The following OPCML variants were observed in gnomAD, a reference collection of about 807,000 sequenced individuals.
OPCML encodes opioid binding protein/cell adhesion molecule like, also known as opioid-binding protein/cell adhesion molecule.
OPCML carries 13 observed loss-of-function variants against 37.8 expected under a neutral mutation model. That is an observed-to-expected ratio of 0.34 (90% CI 0.22 to 0.55). OPCML has a LOEUF of 0.55. OPCML is among the 20% of genes least tolerant of loss of function. The pLI, the probability that OPCML is intolerant of heterozygous loss-of-function variation, is 0.91. For synonymous variants in OPCML, 176 were observed against 168.8 expected (o/e 1.04, Z -0.33); for missense variants, 341 against 435.6 (o/e 0.78, Z 1.93).
At chr11:133,189,398 G>GAAC (rs1168267748) in intron 1 of OPCML, among the ~76,000 whole-genome samples, 2 of 152,144 alleles carry the variant, frequency 1.3e-5, no homozygotes, top group Non-Finnish European at 2.9e-5. Flanking sequence ...GGCAACTATG[G>GAAC]AACCTAACAT....
chr11:132,781,341 C>T (rs1367786890), intron 2 of OPCML, among the ~76,000 whole-genome samples: 2 of 151,994 alleles, frequency 1.3e-5, no homozygotes, highest in Non-Finnish European at 2.9e-5. Flanking sequence ...GAGAAGACTT[C>T]TCCTGCCTAA....
intron 1 of OPCML, among the ~76,000 whole-genome samples, chr11:132,963,724 T>G (rs1389103004): frequency 6.6e-6 from 1 of 151,924 alleles, no homozygotes; most frequent in Non-Finnish European, 1.5e-5. Context: ...TCAGCAAATA[T>G]TAGCTCTTCT....
chr11:132,572,565 T>C lies in OPCML; in HGVS notation c.380-43379A>G, dbSNP rs191806691. Among the ~76,000 whole-genome samples the C allele has an allele frequency of 5.9e-5, 9 of 152,268 alleles. No individual in the cohort carries two copies. In the East Asian group the frequency reaches 1.2e-3, roughly 20 times the overall value. On this transcript the variant is annotated intron_variant, in intron 3 of 7. Coordinates refer to ENST00000524381, the MANE Select transcript of OPCML (RefSeq NM_001012393.5). ...TTGTTGAAGATCAATTGACTATGTA[T>C]GTGAATTTATTTCTGGGTTCTTTAT...
intron 3 of OPCML, among the ~76,000 whole-genome samples, chr11:132,644,423 C>T (rs1941035847): frequency 1.3e-5 from 2 of 152,128 alleles, no homozygotes; most frequent in South Asian, 4.2e-4. Flanking sequence ...TTTAGGTTAC[C>T]CGGGGAGCTG....
chr11:132,740,789 G>A (rs1169826191), intron 2 of OPCML, among the ~76,000 whole-genome samples: 1 of 152,060 alleles, frequency 6.6e-6, no homozygotes, highest in Non-Finnish European at 1.5e-5. Context: ...ACATTTCCTG[G>A]GAAGTTGGCA....
intron 1 of OPCML, among the ~76,000 whole-genome samples, chr11:133,391,194 T>C (rs1180267908): frequency 6.6e-6 from 1 of 152,134 alleles, no homozygotes; most frequent in Admixed American, 6.5e-5. Flanking sequence ...CTGCTGAGCA[T>C]CCATGGACAG....
At chr11:132,450,179 C>A (rs2096065107) in intron 4 of OPCML, among the ~76,000 whole-genome samples, 1 of 152,182 alleles carries the variant, frequency 6.6e-6, no homozygotes, top group East Asian at 1.9e-4. Context: ...ACACTCCAGG[C>A]CTTGATCAAA....
At chr11:132,857,758 T>A (rs1022957435) in intron 2 of OPCML, among the ~76,000 whole-genome samples, 44 of 152,336 alleles carry the variant, frequency 2.9e-4, no homozygotes, top group African/African-American at 1.1e-3. Context: ...GAAATTTGTG[T>A]TGCTATTTTT....
intron 1 of OPCML, among the ~76,000 whole-genome samples, chr11:133,527,524 A>C (rs1948513694): frequency 1.3e-5 from 2 of 152,222 alleles, no homozygotes; most frequent in African/African-American, 4.8e-5. Flanking sequence ...AAAGACATAC[A>C]TATATGGTCA....
At chr11:132,970,930 G>T (rs1253583690) in intron 1 of OPCML, among the ~76,000 whole-genome samples, 1 of 152,048 alleles carries the variant, frequency 6.6e-6, no homozygotes, top group East Asian at 1.9e-4. Context: ...ATTCTATTAG[G>T]TTCTTGCCAA....
intron 1 of OPCML, among the ~76,000 whole-genome samples, chr11:133,185,506 A>G (rs906555956): frequency 3.3e-5 from 5 of 152,236 alleles, no homozygotes; most frequent in African/African-American, 1.2e-4. Context: ...AAAATGGTCC[A>G]GTGATGGAGA....
At chr11:132,810,319 G>A (rs907760628) in intron 2 of OPCML, among the ~76,000 whole-genome samples, 2 of 152,172 alleles carry the variant, frequency 1.3e-5, no homozygotes, top group Non-Finnish European at 2.9e-5. Flanking sequence ...CCCACTCCCA[G>A]GGAAACCTTG....
At chr11:133,008,737 G>T in intron 1 of OPCML, 1 of 297,708 alleles carries the variant, frequency 3.4e-6, no homozygotes, top group Non-Finnish European at 5.0e-6. Flanking sequence ...CCTCTGATAT[G>T]ACTGCAACAA....
chr11:133,416,238 G>T (rs1481114418), intron 1 of OPCML, among the ~76,000 whole-genome samples: 1 of 151,982 alleles, frequency 6.6e-6, no homozygotes, highest in African/African-American at 2.4e-5. Flanking sequence ...ATAATTGATG[G>T]ACCATACACA....
At chr11:133,035,008 G>A (rs1231500730) in intron 1 of OPCML, among the ~76,000 whole-genome samples, 1 of 152,164 alleles carries the variant, frequency 6.6e-6, no homozygotes, top group African/African-American at 2.4e-5. Flanking sequence ...CCTCTCCCCA[G>A]TCAGGTTGAT....
chr11:132,455,791 A>G (rs1207393961), intron 4 of OPCML, among the ~76,000 whole-genome samples: 1 of 152,050 alleles, frequency 6.6e-6, no homozygotes, highest in Non-Finnish European at 1.5e-5. Context: ...TCATTCATTC[A>G]TTCATTCATA....
chr11:133,419,708 T>C (rs566994475), intron 1 of OPCML, among the ~76,000 whole-genome samples: 2 of 152,278 alleles, frequency 1.3e-5, no homozygotes, highest in South Asian at 4.1e-4. Flanking sequence ...GCTTGACTGT[T>C]TTTTTTATTG....
At chr11:133,110,780 AAATTCCCT>A (rs1297450065) in intron 1 of OPCML, among the ~76,000 whole-genome samples, 3 of 152,186 alleles carry the variant, frequency 2.0e-5, no homozygotes, top group Non-Finnish European at 4.4e-5. Context: ...GGTGGCAAAC[AAATTCCCT>A]AACAGCATTT....
intron 2 of OPCML, among the ~76,000 whole-genome samples, chr11:132,680,024 G>T (rs1942870941): frequency 6.6e-6 from 1 of 152,050 alleles, no homozygotes; most frequent in Admixed American, 6.6e-5. Context: ...TTTCTTTTGT[G>T]AATGCAAGAT....
Sources: gnomAD v4.1 joint callset for allele counts (sites outside exome capture counted in the v4.1 genomes callset) on GRCh38, gnomAD v4.1.1 for gene constraint, MANE v1.5 for transcripts, NCBI Gene and HGNC (gene_info 2026-07-23, HGNC 2026-07-21) for gene names.